The following BABAM2 variants were observed in gnomAD, a reference collection of about 807,000 sequenced individuals.
The protein encoded by BABAM2 is BRISC and BRCA1-A complex member 2.
In BABAM2, 31 loss-of-function variants were observed where a neutral mutation model predicts 54.7. That is an observed-to-expected ratio of 0.57 (90% CI 0.43 to 0.77). BABAM2 has a LOEUF of 0.77. Among genes scored for constraint, BABAM2 ranks in the 30% least tolerant of loss-of-function variants. BABAM2 has a pLI of 0.00. For synonymous variants in BABAM2, 167 were observed against 162.9 expected, an observed-to-expected ratio of 1.03 and a Z score of -0.19; for missense variants, 364 against 455.8, an observed-to-expected ratio of 0.80 and a Z score of 1.83.
intron 3 of BABAM2, among the ~76,000 whole-genome samples, chr2:27,964,743 T>C (rs1670718195): frequency 6.6e-6 from 1 of 152,196 alleles, no homozygotes; most frequent in Non-Finnish European, 1.5e-5. Flanking sequence ...AGATAGGTTT[T>C]AGGTTTTATA....
intron 10 of BABAM2, among the ~76,000 whole-genome samples, chr2:28,283,157 G>A (rs1242723419): frequency 6.6e-6 from 1 of 152,124 alleles, no homozygotes; most frequent in African/African-American, 2.4e-5. Context: ...GAGATGTACT[G>A]TTAAATACAG....
intron 6 of BABAM2, among the ~76,000 whole-genome samples, chr2:28,107,084 A>G (rs541994013): frequency 2.6e-5 from 4 of 152,252 alleles, no homozygotes; most frequent in Admixed American, 1.3e-4. Flanking sequence ...ACACACATAT[A>G]TATTATATCC....
At chr2:28,079,237 A>G (rs1664952802) in intron 6 of BABAM2, among the ~76,000 whole-genome samples, 1 of 152,160 alleles carries the variant, frequency 6.6e-6, no homozygotes, top group Admixed American at 6.6e-5. Context: ...AGGGGATGAG[A>G]AAGGTAAGGG....
Position 28,028,457 on chromosome 2 carries a change from G to A in BABAM2, c.495+3037G>A, listed in dbSNP as rs555204642. 1.1e-4 allele frequency among the ~76,000 whole-genome samples: 15 copies of A among 142,210 alleles called. No homozygotes were observed. In the East Asian group the frequency reaches 1.4e-3, roughly 13 times the overall value. The allele number at this position is 142,210 out of a possible 152,430, so 93.3% of individuals were successfully genotyped here. ...CATAGGAATGTGAATACCAGAGACC[G>A]CTGGGAGCCACTTAGAGGGAGCCTA... On this transcript the variant is annotated intron_variant, in intron 5 of 11. Coordinates refer to ENST00000379624, the MANE Select transcript of BABAM2 (RefSeq NM_199191.3).
At chr2:28,219,125 A>G (rs1026156469) in intron 7 of BABAM2, among the ~76,000 whole-genome samples, 1 of 152,220 alleles carries the variant, frequency 6.6e-6, no homozygotes, top group Non-Finnish European at 1.5e-5. Flanking sequence ...GCTACAGTCA[A>G]GGTGCCAGTG....
chr2:27,974,051 TA>T (rs959122345), intron 3 of BABAM2, among the ~76,000 whole-genome samples: 30 of 151,552 alleles, frequency 2.0e-4, no homozygotes, highest in African/African-American at 3.6e-4. Flanking sequence ...AATTTATAGT[TA>T]AAAAAAAATC....
At chr2:28,310,867 G>C (rs1486709964) in intron 11 of BABAM2, among the ~76,000 whole-genome samples, 2 of 152,000 alleles carry the variant, frequency 1.3e-5, no homozygotes, top group East Asian at 3.9e-4. Flanking sequence ...CAGGGTGACA[G>C]AGCAAGACCC....
At chr2:28,045,651 T>G in intron 5 of BABAM2, 74 bp from the exon 6 acceptor site, 1 of 1,315,996 alleles carries the variant, frequency 7.6e-7, no homozygotes. Context: ...GTTGAACTTG[T>G]GGCCTTGGCT....
chr2:27,981,692 A>G (rs1185663935), intron 3 of BABAM2, among the ~76,000 whole-genome samples: 1 of 152,164 alleles, frequency 6.6e-6, no homozygotes, highest in African/African-American at 2.4e-5. Flanking sequence ...GCATTATATC[A>G]GTACTTTCTT....
At chr2:28,179,546 C>G (rs752827612) in intron 7 of BABAM2, among the ~76,000 whole-genome samples, 1 of 152,160 alleles carries the variant, frequency 6.6e-6, no homozygotes, top group South Asian at 2.1e-4. Context: ...AAGCTGAAAG[C>G]CTTTCCTTTA....
chr2:28,205,837 A>G (rs901025498), intron 7 of BABAM2, among the ~76,000 whole-genome samples: 1 of 152,246 alleles, frequency 6.6e-6, no homozygotes, highest in Non-Finnish European at 1.5e-5. Context: ...AAAGAGCAGT[A>G]GAATAATTTG....
intron 2 of BABAM2, among the ~76,000 whole-genome samples, chr2:27,905,595 ATATAT>A (rs1387556376): frequency 6.6e-6 from 1 of 152,148 alleles, no homozygotes; most frequent in East Asian, 1.9e-4. Flanking sequence ...ATGTGGTATG[ATATAT>A]TATTATTTCA....
At chr2:28,264,917 T>C (rs542740127) in intron 10 of BABAM2, among the ~76,000 whole-genome samples, 1 of 152,298 alleles carries the variant, frequency 6.6e-6, no homozygotes, top group East Asian at 1.9e-4. Context: ...TGCTTCTTGA[T>C]TTCAGCTTTT....
chr2:28,264,923 C>G (rs915376259), intron 10 of BABAM2, among the ~76,000 whole-genome samples: 1 of 152,176 alleles, frequency 6.6e-6, no homozygotes, highest in South Asian at 2.1e-4. Context: ...TTGATTTCAG[C>G]TTTTCAAGTT....
At chr2:28,198,765 C>A (rs1229338378) in intron 7 of BABAM2, among the ~76,000 whole-genome samples, 2 of 152,100 alleles carry the variant, frequency 1.3e-5, no homozygotes, top group Non-Finnish European at 2.9e-5. Context: ...AGCAGAGACC[C>A]ACTGTGGTAT....
At chr2:28,052,234 A>T (rs746590755) in intron 6 of BABAM2, among the ~76,000 whole-genome samples, 1 of 151,920 alleles carries the variant, frequency 6.6e-6, no homozygotes, top group Admixed American at 6.6e-5. Context: ...AGAAGAAACA[A>T]CTGAAATGAT....
chr2:27,934,505 G>A (rs1336379702), intron 3 of BABAM2, among the ~76,000 whole-genome samples: 1 of 152,152 alleles, frequency 6.6e-6, no homozygotes, highest in Admixed American at 6.5e-5. Context: ...ACCTTGCAGT[G>A]TCCTCTAAGT....
intron 10 of BABAM2, among the ~76,000 whole-genome samples, chr2:28,297,976 A>G (rs1368594052): frequency 6.6e-6 from 1 of 152,216 alleles, no homozygotes; most frequent in Non-Finnish European, 1.5e-5. Context: ...GAACTCTGCT[A>G]TGGAATATTG....
At chr2:27,896,661 G>T in intron 2 of BABAM2, 1 of 156,372 alleles carries the variant, frequency 6.4e-6, no homozygotes, top group Non-Finnish European at 1.4e-5. Flanking sequence ...TCTTCCACTG[G>T]TAGGTCTCAT....
Sources: allele counts gnomAD v4.1 joint callset (sites outside exome capture counted in the v4.1 genomes callset), GRCh38; gene constraint gnomAD v4.1.1; transcripts MANE v1.5; gene names NCBI Gene and HGNC (gene_info 2026-07-23, HGNC 2026-07-21).